BDH1: variants seen among roughly 807,000 people sequenced by gnomAD.
BDH1 encodes the protein 3-hydroxybutyrate dehydrogenase 1.
A neutral mutation model predicts 33.1 loss-of-function variants in BDH1; 30 were observed. The ratio of observed to expected loss-of-function variants is 0.91; its 90% CI spans 0.68 to 1.23. The LOEUF (loss-of-function observed/expected upper bound fraction) is 1.23. BDH1 is among the 50% of genes most tolerant of loss of function. The probability of loss-of-function intolerance (pLI) is 0.00; values close to 1 mark genes in which losing one functional copy is unlikely to be tolerated. For missense variants in BDH1, 443 were observed against 464.4 expected, an observed-to-expected ratio of 0.95 and a Z score of 0.42; for synonymous variants, 190 against 183.6, an observed-to-expected ratio of 1.03 and a Z score of -0.28.
In BDH1 at chr3:197,514,033, T is replaced by C; in HGVS notation, c.562+231A>G. On this transcript the variant is annotated intron_variant, in intron 7 of 7. Transcript: ENST00000392379. The surrounding 1 kb of genome is among the most constrained non-coding windows in gnomAD (Gnocchi z 4.2). ...TGGATGGCTGCTCAACTCTTTAAGC[T>C]TTTGCTGCATGGACCACTGACCTCT... The C allele has an allele frequency of 1.9e-6, 1 of 520,822 alleles. No individual in the cohort carries two copies. The highest frequency in any genetic ancestry group is 3.3e-6 in the Non-Finnish European group (1 of 298,926). 32.3% of individuals were successfully genotyped at this position (520,822 alleles called of 1,614,324 possible).
upstream of BDH1, among the ~76,000 whole-genome samples, chr3:197,559,968 C>A (rs1717207931): frequency 6.6e-6 from 1 of 152,238 alleles, no homozygotes; most frequent in South Asian, 2.1e-4. Context: ...CTCCCTCCCC[C>A]TACTGTAAAA....
chr3:197,562,353 G>T (rs2116297), intron 1 of BDH1, among the ~76,000 whole-genome samples: 8,397 of 152,216 alleles, frequency 0.055, 295 homozygotes, highest in African/African-American at 0.085. Context: ...GTGTGCATTT[G>T]TCTGAGGAAC....
At chr3:197,549,880 A>G (rs1403529148) in intron 2 of BDH1, among the ~76,000 whole-genome samples, 4 of 152,042 alleles carry the variant, frequency 2.6e-5, no homozygotes, top group Non-Finnish European at 5.9e-5. Flanking sequence ...AAAACTATCC[A>G]TATCATCTTT....
chr3:197,546,410 G>A lies in BDH1; in HGVS notation c.34C>T (p.Arg12Trp), dbSNP rs746246893. Residue 12 changes from arginine to tryptophan, a missense_variant, in exon 3 of 8, where the codon CGG becomes TGG. Coordinates refer to ENST00000392379, the MANE Select transcript of BDH1 (RefSeq NM_203314.3). ...LATRLSRPLS[R>W]LPGKTLSACD... ...GCACTTAGGGTTTTTCCTGGGAGCC[G>A]TGACAGGGGTCTGGAGAGGCGGGTG... 6 of 1,613,988 alleles carry A rather than the reference G, an allele frequency of 3.7e-6. No individual in the cohort carries two copies. Among genetic ancestry groups the A allele is most frequent in the Non-Finnish European group, 5.1e-6 (6 of 1,180,018 alleles).
rs1711854611 is a variant in BDH1 at position 197,510,635 on chromosome 3, T to G, written c.*1260A>C. 2.7e-5 allele frequency: 1 copy of G among 37,626 alleles called. No individual in the cohort carries two copies. Among genetic ancestry groups the G allele is most frequent in the Non-Finnish European group, 5.3e-5 (1 of 18,708 alleles). 2.3% of individuals were successfully genotyped at this position (37,626 alleles called of 1,614,324 possible). A position where few individuals can be genotyped will look rare whatever the true frequency, so the allele number is the denominator to read the frequency against. Reference sequence around the variant, plus strand: ...GTGTGTGTGTGTGTGTGTGTGTGTGTGTGTGTGTGTGTGTGTGTGTGTGTG... The same window carrying G: ...GTGTGTGTGTGTGTGTGTGTGTGTGGGTGTGTGTGTGTGTGTGTGTGTGTG... On this transcript the variant is annotated 3_prime_UTR_variant, in exon 8 of 8. Transcript: ENST00000392379.
chr3:197,531,409 TAA>T (rs61663838), intron 5 of BDH1, among the ~76,000 whole-genome samples: 8,566 of 138,962 alleles, frequency 0.062, 444 homozygotes, highest in African/African-American at 0.13. Context: ...AAACATAAAT[TAA>T]AAAAAAAATA....
chr3:197,556,034 C>T (rs560660550), upstream of BDH1: 3 of 152,374 alleles, frequency 2.0e-5, no homozygotes, highest in Non-Finnish European at 4.4e-5. Context: ...GGGGGGCCGC[C>T]GAGCCGCCTC....
chr3:197,529,282 C>T (rs910305850), intron 5 of BDH1: 1 of 152,214 alleles, frequency 6.6e-6, no homozygotes, highest in Non-Finnish European at 1.5e-5. Flanking sequence ...AGATGGCTCA[C>T]CCAGGCTTTG....
chr3:197,524,862 C>T (rs951291153), intron 5 of BDH1, among the ~76,000 whole-genome samples: 24 of 152,078 alleles, frequency 1.6e-4, no homozygotes, highest in African/African-American at 5.8e-4. Context: ...CCTGGACTGT[C>T]GTCTTCACCG....
intron 2 of BDH1, among the ~76,000 whole-genome samples, chr3:197,553,939 C>T (rs994758397): frequency 2.0e-5 from 3 of 152,212 alleles, no homozygotes; most frequent in African/African-American, 7.2e-5. Flanking sequence ...AATGATTAAG[C>T]AGCCTTTCTA....
chr3:197,542,814 G>A (rs919752827), intron 3 of BDH1, among the ~76,000 whole-genome samples: 5 of 151,972 alleles, frequency 3.3e-5, no homozygotes, highest in Non-Finnish European at 5.9e-5. Context: ...GAGCCACCGC[G>A]CCCCCACCGG....
At chr3:197,515,286 G>C in intron 6 of BDH1, 11 of 985,430 alleles carry the variant, frequency 1.1e-5, no homozygotes, top group Non-Finnish European at 1.3e-5. Context: ...CTGGTTAACA[G>C]AGTGTCCATG....
Position 197,522,706 on chromosome 3 carries a change from A to T in BDH1, c.343T>A (p.Cys115Ser). 2 of 1,614,176 alleles carry T rather than the reference A, an allele frequency of 1.2e-6. No individual in the cohort carries two copies. The highest frequency in any genetic ancestry group is 1.6e-4 in the Middle Eastern group (1 of 6,062). Residue 115 changes from cysteine (C) to serine (S), a missense_variant, in exon 6 of 8, where the codon TGC becomes AGC. Transcript: ENST00000392379. The surrounding 1 kb of genome is among the most constrained non-coding windows in gnomAD (Gnocchi z 4.8). The stretch of plus-strand genomic sequence containing the variant: ...ACTTTCTCCACCTCTTCGCTGCTGC[A>T]GACATTGAGCTGGACGGTTCTCAAT... ...DRLRTVQLNV[C>S]SSEEVEKVVE...
chr3:197,548,010 C>T (rs1382423869), intron 2 of BDH1, among the ~76,000 whole-genome samples: 1 of 152,218 alleles, frequency 6.6e-6, no homozygotes, highest in Non-Finnish European at 1.5e-5. Flanking sequence ...AGCTCAGTGA[C>T]ACCAGGAATC....
intron 6 of BDH1, among the ~76,000 whole-genome samples, chr3:197,517,758 C>CT (rs1334117891): frequency 6.7e-5 from 1 of 14,832 alleles, no homozygotes; most frequent in Non-Finnish European, 1.2e-4. Flanking sequence ...TGGTCTCCAT[C>CT]CCCCTTCAGG....
upstream of BDH1, among the ~76,000 whole-genome samples, chr3:197,558,880 A>G (rs1025419857): frequency 2.6e-5 from 4 of 152,018 alleles, no homozygotes; most frequent in Non-Finnish European, 5.9e-5. Context: ...ATCTTCATGG[A>G]TCTCCATTGT....
chr3:197,530,665 T>C (rs1714560784), intron 5 of BDH1: 3 of 152,640 alleles, frequency 2.0e-5, no homozygotes, highest in Non-Finnish European at 4.4e-5. Context: ...TTGCAAAATA[T>C]TGAAAACACC....
intron 2 of BDH1, among the ~76,000 whole-genome samples, chr3:197,552,780 G>A (rs1716675181): frequency 6.6e-6 from 1 of 151,620 alleles, no homozygotes; most frequent in Admixed American, 6.6e-5. Context: ...TCTACATGTT[G>A]TACATATTTA....
chr3:197,541,995 T>C (rs1317254794), intron 3 of BDH1, among the ~76,000 whole-genome samples: 2 of 152,322 alleles, frequency 1.3e-5, no homozygotes, highest in East Asian at 3.9e-4. Context: ...GGGACAGCAG[T>C]GCGCCCAACG....
Sources: allele counts gnomAD v4.1 joint callset (sites outside exome capture counted in the v4.1 genomes callset), GRCh38; gene constraint gnomAD v4.1.1; non-coding constraint Gnocchi (gnomAD v3.1); transcripts MANE v1.5; gene names NCBI Gene and HGNC (gene_info 2026-07-23, HGNC 2026-07-21).